LONP2: variants seen among roughly 807,000 people sequenced by gnomAD.
The protein encoded by LONP2 is lon peptidase 2, peroxisomal.
In LONP2, 60 loss-of-function variants were observed where a neutral mutation model predicts 85.6. The observed-to-expected ratio is 0.70, with a 90% CI of 0.57 to 0.87. The LOEUF is 0.87. Ranked by LOEUF, LONP2 falls within the 40% of genes least tolerant of loss-of-function variation. LONP2 has a pLI of 0.00. For missense variants in LONP2, 860 were observed against 1,063.5 expected (o/e 0.81, Z 2.66); for synonymous variants, 395 against 389.7 (o/e 1.01, Z -0.16).
rs79544045 is a variant in LONP2 at position 48,349,672 on chromosome 16, G to A, written c.2337+1382G>A. ...CTCCTTTGAGAACAGAGGACAAGAC[G>A]GGGCTTTGGGATTTGAAAGTGGTCA... On this transcript the variant is annotated intron_variant, in intron 14 of 14. Coordinates refer to ENST00000285737, the MANE Select transcript of LONP2 (RefSeq NM_031490.5). 6.7e-3 allele frequency among the ~76,000 whole-genome samples: 1,026 copies of A among 152,278 alleles called. 13 individuals are homozygous for A. Among genetic ancestry groups the A allele is most frequent in the African/African-American group, 0.023 (976 of 41,556 alleles).
At chr16:48,320,090 G>C (rs1218653399) in intron 11 of LONP2, among the ~76,000 whole-genome samples, 2 of 150,950 alleles carry the variant, frequency 1.3e-5, no homozygotes, top group African/African-American at 4.9e-5. Flanking sequence ...AACTTGGGGG[G>C]CGGAGGTTGC....
At position 48,347,047 on chromosome 16, in the gene LONP2, G is replaced by T. The variant is rs547022210; in HGVS notation, c.1939-460G>T. Among the ~76,000 whole-genome samples, 101 of 152,226 alleles carry T rather than the reference G, an allele frequency of 6.6e-4. No homozygotes were observed. In the Middle Eastern group the frequency reaches 0.01, roughly 15 times the overall value. On this transcript the variant is annotated intron_variant, in intron 12 of 14. Coordinates refer to ENST00000285737, the MANE Select transcript of LONP2 (RefSeq NM_031490.5). ...TGTGCGCCCATAGTACCAGCCACTT[G>T]GGAGGCAGAGGCAGGAGAATCACTT...
In LONP2 at chr16:48,296,041, C is replaced by T. The variant is rs765662068; in HGVS notation, c.1410C>T (p.Asn470=). The change falls in exon 9 of 15, where the codon AAC becomes AAT. Residue 470 remains asparagine (N), a synonymous_variant. Coordinates refer to ENST00000285737, the MANE Select transcript of LONP2 (RefSeq NM_031490.5). The stretch of plus-strand genomic sequence containing the variant: ...TGTTGGATCCTGAACAAAACCATAA[C>T]TTCACAGATCATTATCTAAATGTGG... The part of the protein sequence containing the change: ...LEVLDPEQNH[N]FTDHYLNVAF... 7 of 1,614,024 alleles carry T rather than the reference C, an allele frequency of 4.3e-6. No individual in the cohort carries two copies. The highest frequency in any genetic ancestry group is 4.2e-6 in the Non-Finnish European group (5 of 1,180,034).
intron 11 of LONP2, among the ~76,000 whole-genome samples, chr16:48,312,715 C>T (rs2151008854): frequency 6.6e-6 from 1 of 152,278 alleles, no homozygotes; most frequent in East Asian, 1.9e-4. Flanking sequence ...TTCCAAGGCA[C>T]TATGCAGTTG....
At chr16:48,304,852 A>G (rs777261225) in intron 11 of LONP2, among the ~76,000 whole-genome samples, 2 of 152,272 alleles carry the variant, frequency 1.3e-5, no homozygotes, top group African/African-American at 2.4e-5. Flanking sequence ...AATTTCTTTC[A>G]TAGTAAAGAG....
At chr16:48,329,898 G>A (rs911561312) in intron 11 of LONP2, among the ~76,000 whole-genome samples, 2 of 152,158 alleles carry the variant, frequency 1.3e-5, no homozygotes, top group African/African-American at 4.8e-5. Flanking sequence ...GCTGTTATTT[G>A]TAGTGCTGCG....
chr16:48,345,555 A>G (rs1193375966), intron 12 of LONP2: 1 of 152,232 alleles, frequency 6.6e-6, no homozygotes, highest in Admixed American at 6.5e-5. Context: ...CTTAAGTAGT[A>G]CTGATCTCTT....
At chr16:48,263,522 C>T (rs929822849) in intron 6 of LONP2, among the ~76,000 whole-genome samples, 24 of 152,310 alleles carry the variant, frequency 1.6e-4, no homozygotes, top group African/African-American at 5.8e-4. Context: ...CATGTTGTCA[C>T]AGATGGCAAG....
intron 11 of LONP2, among the ~76,000 whole-genome samples, chr16:48,309,887 TG>T (rs1473122387): frequency 6.6e-6 from 1 of 152,194 alleles, no homozygotes; most frequent in East Asian, 1.9e-4. Context: ...GTTTCTTTGT[TG>T]ACTTTGTCTG....
intron 11 of LONP2, among the ~76,000 whole-genome samples, chr16:48,304,204 A>G (rs1972865293): frequency 6.6e-6 from 1 of 152,246 alleles, no homozygotes; most frequent in Non-Finnish European, 1.5e-5. Flanking sequence ...AAAAGTTTTT[A>G]CAACATAAGA....
chr16:48,321,286 AG>A lies in LONP2; in HGVS notation c.1796-12928del, dbSNP rs779311437. On this transcript the variant is annotated intron_variant, in intron 11 of 14. Coordinates refer to ENST00000285737, the MANE Select transcript of LONP2 (RefSeq NM_031490.5). ...ATGGTTTTAAAAAAAATATTACAAA[AG>A]GTCTCTGCATTTTAACTACTCATCT... Among the ~76,000 whole-genome samples, 7 of 152,258 alleles carry A rather than the reference AG, an allele frequency of 4.6e-5. No individual in the cohort carries two copies. In the East Asian group the frequency reaches 1.3e-3, roughly 29 times the overall value.
chr16:48,245,469 T>C (rs1218907020), intron 1 of LONP2, among the ~76,000 whole-genome samples: 2 of 152,236 alleles, frequency 1.3e-5, no homozygotes, highest in African/African-American at 4.8e-5. Context: ...CTTTGCACCA[T>C]GCATGATGGA....
At chr16:48,350,055 C>T (rs988035253) in intron 14 of LONP2, among the ~76,000 whole-genome samples, 3 of 152,132 alleles carry the variant, frequency 2.0e-5, no homozygotes, top group Admixed American at 6.5e-5. Flanking sequence ...AGTTCAAGAC[C>T]AGCCTGGGAA....
At chr16:48,271,621 G>A (rs1021456610) in intron 7 of LONP2, among the ~76,000 whole-genome samples, 1 of 152,122 alleles carries the variant, frequency 6.6e-6, no homozygotes, top group Non-Finnish European at 1.5e-5. Flanking sequence ...AGTAGCTCAT[G>A]CCTGTAATCC....
At chr16:48,321,294 G>C (rs1171156728) in intron 11 of LONP2, among the ~76,000 whole-genome samples, 1 of 152,182 alleles carries the variant, frequency 6.6e-6, no homozygotes, top group Non-Finnish European at 1.5e-5. Context: ...AAAGGTCTCT[G>C]CATTTTAACT....
intron 11 of LONP2, among the ~76,000 whole-genome samples, chr16:48,329,270 T>C (rs1376795321): frequency 6.6e-6 from 1 of 152,198 alleles, no homozygotes; most frequent in Non-Finnish European, 1.5e-5. Context: ...AGTTTTAAAT[T>C]GTGCACTATT....
chr16:48,317,011 G>A (rs1349012552), intron 11 of LONP2, among the ~76,000 whole-genome samples: 1 of 152,074 alleles, frequency 6.6e-6, no homozygotes, highest in African/African-American at 2.4e-5. Flanking sequence ...GCTTTGTCAG[G>A]ACTCGTCAAT....
At position 48,289,189 on chromosome 16, in the gene LONP2, A is replaced by G. The variant is rs543762504; in HGVS notation, c.1384-6826A>G. 1.2e-4 allele frequency among the ~76,000 whole-genome samples: 18 copies of G among 152,278 alleles called. 1 individual carries two copies. Among genetic ancestry groups the G allele is most frequent in the Admixed American group, 8.5e-4 (13 of 15,284 alleles). ...GAAAATTTGAGACAGGTCTCAGTTA[A>G]TTTAGGAAGTATATTTGGCCAAGGT... On this transcript the variant is annotated intron_variant, in intron 8 of 14. Coordinates refer to ENST00000285737, the MANE Select transcript of LONP2 (RefSeq NM_031490.5).
Position 48,357,209 on chromosome 16 carries a change from C to A in LONP2, c.*5407C>A, listed in dbSNP as rs1482559422. 1 of 152,200 alleles carries A rather than the reference C, an allele frequency of 6.6e-6. No homozygotes were observed. The highest frequency in any genetic ancestry group is 1.5e-5 in the Non-Finnish European group (1 of 68,052). The allele number at this position is 152,200 out of a possible 1,614,324, so 9.4% of individuals were successfully genotyped here. Reference sequence around the variant, plus strand: ...GGCAGAGAAGGTATTTAAATAAAAACTGGTAGATACAGAGTCAGAAGTCAA... The same window carrying A: ...GGCAGAGAAGGTATTTAAATAAAAAATGGTAGATACAGAGTCAGAAGTCAA... On this transcript the variant is annotated 3_prime_UTR_variant, in exon 15 of 15. Transcript: ENST00000285737.
Sources: gnomAD v4.1 joint callset for allele counts (sites outside exome capture counted in the v4.1 genomes callset) on GRCh38, gnomAD v4.1.1 for gene constraint, MANE v1.5 for transcripts, NCBI Gene and HGNC (gene_info 2026-07-23, HGNC 2026-07-21) for gene names.